Variants in ITGB5 observed in about 807,000 individuals in gnomAD.
ITGB5 encodes integrin beta-5.
ITGB5 carries 38 observed loss-of-function variants against 84.8 expected under a neutral mutation model. The ratio of observed to expected loss-of-function variants is 0.45; its 90% CI spans 0.35 to 0.59. The LOEUF (loss-of-function observed/expected upper bound fraction) is 0.59, where lower values mean the gene tolerates loss of function less well. Among genes scored for constraint, ITGB5 ranks in the 20% least tolerant of loss-of-function variants. The pLI is 0.01. For missense variants in ITGB5, 905 were observed against 1,034.5 expected, an observed-to-expected ratio of 0.87 and a Z score of 1.72; for synonymous variants, 393 against 414.4, an observed-to-expected ratio of 0.95 and a Z score of 0.63.
chr3:124,803,303 G>A (rs1344543396), intron 9 of ITGB5, among the ~76,000 whole-genome samples: 4 of 152,062 alleles, frequency 2.6e-5, no homozygotes, highest in South Asian at 2.1e-4. Context: ...CTGTGGCCTC[G>A]GAAGCAGCCC....
At chr3:124,814,706 A>C (rs2064559820) in intron 8 of ITGB5, among the ~76,000 whole-genome samples, 1 of 152,100 alleles carries the variant, frequency 6.6e-6, no homozygotes, top group Admixed American at 6.5e-5. Context: ...TTAGCCTCCC[A>C]AAGCACCGGA....
At chr3:124,838,869 AG>A (rs1559961764) in intron 5 of ITGB5, among the ~76,000 whole-genome samples, 1 of 152,180 alleles carries the variant, frequency 6.6e-6, no homozygotes, top group African/African-American at 2.4e-5. Flanking sequence ...TCAAAGTGCT[AG>A]GATTACAGGC....
chr3:124,831,226 C>G (rs1373589066), intron 5 of ITGB5, among the ~76,000 whole-genome samples: 1 of 152,190 alleles, frequency 6.6e-6, no homozygotes, highest in East Asian at 1.9e-4. Context: ...CTGTCAATGT[C>G]TGTCTTAAAC....
Position 124,897,093 on chromosome 3 carries a change from G to A in ITGB5, c.-255+4173C>T, listed in dbSNP as rs192806684. Among the ~76,000 whole-genome samples the A allele has an allele frequency of 4.9e-3, 748 of 152,198 alleles. 3 individuals carry two copies. Among genetic ancestry groups the A allele is most frequent in the Middle Eastern group, 0.01 (3 of 294 alleles). On this transcript the variant is annotated intron_variant, in intron 1 of 4. Transcript: ENST00000608657. ...AGATACATTCTTATCTTTGCAGATT[G>A]TGTTTCTTCCTCCAAAGGCCCTATC...
upstream of ITGB5, among the ~76,000 whole-genome samples, chr3:124,891,098 G>A (rs9847614): frequency 0.11 from 16,260 of 152,158 alleles, 1,055 homozygotes; most frequent in South Asian, 0.17. Context: ...GTTTGACGAC[G>A]GGGTTTGAGC....
chr3:124,884,749 A>T (rs2107654194), intron 1 of ITGB5, among the ~76,000 whole-genome samples: 1 of 152,270 alleles, frequency 6.6e-6, no homozygotes, highest in East Asian at 1.9e-4. Context: ...AGAGTTGCAA[A>T]TGAACCACCA....
chr3:124,816,667 G>A (rs761117064), intron 8 of ITGB5, among the ~76,000 whole-genome samples: 31 of 152,196 alleles, frequency 2.0e-4, no homozygotes, highest in Non-Finnish European at 5.9e-5. Flanking sequence ...CAGAAGGTAG[G>A]TCTGAGTCAA....
intron 4 of ITGB5, among the ~76,000 whole-genome samples, chr3:124,844,986 G>A (rs1237219181): frequency 6.6e-6 from 1 of 152,152 alleles, no homozygotes; most frequent in African/African-American, 2.4e-5. Context: ...TGCTCTGCAG[G>A]GATGCCCCCA....
intron 10 of ITGB5, among the ~76,000 whole-genome samples, chr3:124,777,350 A>G (rs2063940481): frequency 6.6e-6 from 1 of 152,260 alleles, no homozygotes; most frequent in Admixed American, 6.5e-5. Flanking sequence ...GTGGGACATC[A>G]GAAAACCTTC....
intron 9 of ITGB5, among the ~76,000 whole-genome samples, chr3:124,805,634 A>T (rs2107531348): frequency 6.6e-6 from 1 of 152,098 alleles, no homozygotes; most frequent in African/African-American, 2.4e-5. Context: ...TATTTTCTGT[A>T]GAGATGGGGG....
intron 8 of ITGB5, among the ~76,000 whole-genome samples, chr3:124,816,381 G>A (rs1002851646): frequency 9.9e-5 from 15 of 152,246 alleles, no homozygotes; most frequent in African/African-American, 3.6e-4. Flanking sequence ...TCTCACAGAT[G>A]TGTGATGCCG....
chr3:124,886,639 G>A (rs970343421), intron 1 of ITGB5, among the ~76,000 whole-genome samples: 1 of 152,006 alleles, frequency 6.6e-6, no homozygotes, highest in African/African-American at 2.4e-5. Context: ...TCCTCCCCGT[G>A]CCCTGGGCGC....
At chr3:124,840,766 C>T (rs1217031527) in intron 5 of ITGB5, among the ~76,000 whole-genome samples, 5 of 151,954 alleles carry the variant, frequency 3.3e-5, no homozygotes, top group African/African-American at 9.7e-5. Flanking sequence ...CTGGTTCAAG[C>T]GATTCTCCTG....
chr3:124,842,228 T>G (rs1445139831), intron 4 of ITGB5, among the ~76,000 whole-genome samples: 2 of 152,248 alleles, frequency 1.3e-5, no homozygotes, highest in African/African-American at 2.4e-5. Context: ...GAAAGTTATG[T>G]CTGGAAATTA....
At position 124,821,314 on chromosome 3, in the gene ITGB5, A is replaced by G. The variant is rs1003599976; in HGVS notation, c.941T>C (p.Met314Thr). 6.2e-7 allele frequency: 1 copy of G among 1,612,490 alleles called. No homozygotes were observed. The highest frequency in any genetic ancestry group is 1.3e-5 in the African/African-American group (1 of 75,046). ...GGGGATCTGGTTCCCGGCACTCACC[A>G]TCTGGTTGGATGCAGTGTACTCGTT... ...EANEYTASNQ[M>T]DYPSLALLGE... The change falls in exon 6 of 15, where the codon ATG (methionine) becomes ACG (threonine). Residue 314 changes from methionine to threonine, a missense_variant and splice_region_variant. By Grantham distance (81) the Met-to-Thr change is moderately conservative. This residue lies in a region of ITGB5 where 656 missense variants were observed against 734.7 expected (regional missense o/e 0.89). Transcript: ENST00000296181.
chr3:124,813,776 G>A (rs1208282292), intron 8 of ITGB5, among the ~76,000 whole-genome samples: 2 of 152,254 alleles, frequency 1.3e-5, no homozygotes, highest in East Asian at 3.9e-4. Context: ...GGTTTTCATG[G>A]AGGCATTGTT....
rs2064675118 is a variant in ITGB5 at position 124,819,953 on chromosome 3, G to A, written c.943-119C>T. The A allele has an allele frequency of 3.9e-6, 3 of 769,740 alleles. No homozygotes were observed. In the Admixed American group the frequency reaches 5.5e-5, roughly 14 times the overall value. 47.7% of individuals were successfully genotyped at this position (769,740 alleles called of 1,614,324 possible). A position where few individuals can be genotyped will look rare whatever the true frequency, so the allele number is the denominator to read the frequency against. Reference sequence around the variant, plus strand: ...CAGGGAAGCACCTTTTCCTTAGGTGGCCCCTTAGAGTCCCTTAATAACTAA... The same window carrying A: ...CAGGGAAGCACCTTTTCCTTAGGTGACCCCTTAGAGTCCCTTAATAACTAA... On this transcript the variant is annotated intron_variant, in intron 6 of 14. Coordinates refer to ENST00000296181, the MANE Select transcript of ITGB5 (RefSeq NM_002213.5).
rs1467966699 is a variant in ITGB5 at position 124,865,367 on chromosome 3, G to A, written c.157-5921C>T. 4.6e-5 allele frequency among the ~76,000 whole-genome samples: 7 copies of A among 151,604 alleles called. No individual in the cohort carries two copies. The South Asian group carries it at 1.5e-3, about 32-fold the overall frequency. On this transcript the variant is annotated intron_variant, in intron 2 of 14. Transcript: ENST00000296181. ...ATGCTCTATGCTGGAAGAGGTTCCT[G>A]TACACAAACAAAGCATTGATCCCTG...
At chr3:124,835,188 GTT>G (rs2064916996) in intron 5 of ITGB5, among the ~76,000 whole-genome samples, 2 of 149,616 alleles carry the variant, frequency 1.3e-5, no homozygotes, top group Non-Finnish European at 3.0e-5. Flanking sequence ...ACGATACTGA[GTT>G]ATGACTCAGC....
Sources: gnomAD v4.1 joint callset for allele counts (sites outside exome capture counted in the v4.1 genomes callset) on GRCh38, gnomAD v4.1.1 for gene constraint, gnomAD v4.1.1 regional missense constraint, MANE v1.5 for transcripts, NCBI Gene and HGNC (gene_info 2026-07-23, HGNC 2026-07-21) for gene names.